The following ARHGAP24 variants were observed in gnomAD, a reference collection of about 807,000 sequenced individuals.
ARHGAP24 encodes Rho GTPase activating protein 24, also known as rho GTPase-activating protein 24.
A neutral mutation model predicts 76.4 loss-of-function variants in ARHGAP24; 50 were observed. That is an observed-to-expected ratio of 0.65 (90% CI 0.52 to 0.83). ARHGAP24 has a LOEUF of 0.83. Ranked by LOEUF, ARHGAP24 falls within the 40% of genes least tolerant of loss-of-function variation. The pLI, the probability that ARHGAP24 is intolerant of heterozygous loss-of-function variation, is 0.00. For synonymous variants in ARHGAP24, 345 were observed against 323.3 expected, an observed-to-expected ratio of 1.07 and a Z score of -0.72; for missense variants, 930 against 914.2, an observed-to-expected ratio of 1.02 and a Z score of -0.22.
At chr4:85,694,234 C>T (rs1023396985) in intron 2 of ARHGAP24, among the ~76,000 whole-genome samples, 1 of 152,090 alleles carries the variant, frequency 6.6e-6, no homozygotes, top group Non-Finnish European at 1.5e-5. Context: ...TGTCCCTTCT[C>T]TTCAGCTCTT....
intron 8 of ARHGAP24, among the ~76,000 whole-genome samples, chr4:85,979,810 A>G (rs989438457): frequency 2.0e-5 from 3 of 152,192 alleles, no homozygotes; most frequent in African/African-American, 2.4e-5. Flanking sequence ...AAAAATGAGT[A>G]CTATTTTCTT....
At chr4:85,601,554 C>G (rs1720029059) in intron 2 of ARHGAP24, among the ~76,000 whole-genome samples, 1 of 152,036 alleles carries the variant, frequency 6.6e-6, no homozygotes, top group Non-Finnish European at 1.5e-5. Context: ...TTGGCAACCC[C>G]CAGTTGTAAC....
At chr4:85,618,963 T>C (rs75297299) in intron 2 of ARHGAP24, among the ~76,000 whole-genome samples, 8,223 of 152,170 alleles carry the variant, frequency 0.054, 722 homozygotes, top group African/African-American at 0.19. Context: ...AGAAGCTTTT[T>C]GATTTGATGT....
At position 85,564,273 on chromosome 4, in the gene ARHGAP24, AT is replaced by A. The variant is rs373261900; in HGVS notation, c.-20-6243del. Among the ~76,000 whole-genome samples, 20 of 151,862 alleles carry A rather than the reference AT, an allele frequency of 1.3e-4. No homozygotes were observed. In the East Asian group the frequency reaches 3.9e-3, roughly 30 times the overall value. On this transcript the variant is annotated intron_variant, in intron 1 of 9. Coordinates refer to ENST00000395184, the MANE Select transcript of ARHGAP24 (RefSeq NM_001025616.3). The stretch of plus-strand genomic sequence containing the variant: ...TCCCTAAAAAGGACATGAACTCATC[AT>A]TTTTTATGGCTGCAAGGACAAAAAA...
intron 1 of ARHGAP24, among the ~76,000 whole-genome samples, chr4:85,545,201 G>A (rs930291090): frequency 5.3e-5 from 8 of 152,096 alleles, no homozygotes; most frequent in Admixed American, 2.6e-4. Flanking sequence ...GTGGGTTCAA[G>A]CGATTCTCCT....
intron 3 of ARHGAP24, among the ~76,000 whole-genome samples, chr4:85,812,536 C>A (rs921349341): frequency 6.6e-6 from 1 of 151,962 alleles, no homozygotes; most frequent in Non-Finnish European, 1.5e-5. Flanking sequence ...AAAAAAAAAT[C>A]TCCTGTGTTA....
intron 2 of ARHGAP24, among the ~76,000 whole-genome samples, chr4:85,645,538 A>G (rs973570590): frequency 3.9e-5 from 6 of 152,120 alleles, no homozygotes; most frequent in Admixed American, 2.0e-4. Context: ...GAGCATGAAT[A>G]TAGTATTTGT....
chr4:85,487,170 A>T (rs1477212133), intron 1 of ARHGAP24, among the ~76,000 whole-genome samples: 1 of 136,812 alleles, frequency 7.3e-6, no homozygotes, highest in Admixed American at 8.0e-5. Flanking sequence ...ATATAAATAT[A>T]TATTTATTTT....
intron 3 of ARHGAP24, 62 bp from the exon 4 acceptor site, chr4:85,923,586 G>A: frequency 6.2e-7 from 1 of 1,609,326 alleles, no homozygotes; most frequent in Non-Finnish European, 8.5e-7. Flanking sequence ...GGTTCTTCTG[G>A]AGGCTGATCA....
chr4:85,865,357 A>C (rs913206436), intron 3 of ARHGAP24, among the ~76,000 whole-genome samples: 2 of 151,138 alleles, frequency 1.3e-5, no homozygotes, highest in Non-Finnish European at 2.9e-5. Flanking sequence ...TTCAGTTCTC[A>C]GTTTAAAACT....
At chr4:85,518,850 A>G (rs1258723468) in intron 1 of ARHGAP24, among the ~76,000 whole-genome samples, 2 of 152,186 alleles carry the variant, frequency 1.3e-5, no homozygotes, top group Non-Finnish European at 2.9e-5. Flanking sequence ...AGTTTTTCGA[A>G]TAATGACTTC....
At chr4:85,909,326 T>C (rs1365987406) in intron 3 of ARHGAP24, among the ~76,000 whole-genome samples, 2 of 152,220 alleles carry the variant, frequency 1.3e-5, no homozygotes, top group East Asian at 1.9e-4. Context: ...GTGGTGTGTG[T>C]ATGTATGTGT....
chr4:85,638,040 T>C (rs1721390478), intron 2 of ARHGAP24, among the ~76,000 whole-genome samples: 1 of 152,078 alleles, frequency 6.6e-6, no homozygotes, highest in Admixed American at 6.6e-5. Flanking sequence ...CCAGTCTGTA[T>C]CCTTAGTAAT....
intron 2 of ARHGAP24, among the ~76,000 whole-genome samples, chr4:85,588,175 A>G (rs1366208273): frequency 6.6e-6 from 1 of 152,164 alleles, no homozygotes; most frequent in Non-Finnish European, 1.5e-5. Context: ...CCTCACCAAG[A>G]GGCAGAGTTG....
chr4:85,768,652 C>A (rs1373012451), intron 3 of ARHGAP24, among the ~76,000 whole-genome samples: 1 of 152,106 alleles, frequency 6.6e-6, no homozygotes, highest in Non-Finnish European at 1.5e-5. Flanking sequence ...GTGGCGCACG[C>A]CTGTATCCCA....
intron 3 of ARHGAP24, among the ~76,000 whole-genome samples, chr4:85,790,252 C>T (rs1728056763): frequency 6.6e-6 from 1 of 152,164 alleles, no homozygotes; most frequent in South Asian, 2.1e-4. Context: ...ACCTCTCGGA[C>T]TGTCTCTTGC....
At chr4:85,874,870 T>A (rs1252442579) in intron 3 of ARHGAP24, among the ~76,000 whole-genome samples, 23 of 113,394 alleles carry the variant, frequency 2.0e-4, no homozygotes, top group African/African-American at 8.4e-4. Context: ...AATATATTTT[T>A]ATATAATTTA....
chr4:85,710,337 A>G (rs1339617827), intron 2 of ARHGAP24, among the ~76,000 whole-genome samples: 2 of 152,190 alleles, frequency 1.3e-5, no homozygotes, highest in African/African-American at 2.4e-5. Flanking sequence ...TCCTCATAAC[A>G]TATACAAAAA....
At chr4:85,688,709 G>A (rs531990061) in intron 2 of ARHGAP24, among the ~76,000 whole-genome samples, 41 of 152,118 alleles carry the variant, frequency 2.7e-4, no homozygotes, top group Non-Finnish European at 1.0e-4. Flanking sequence ...TATAGATTGA[G>A]ATCTTACATT....
Sources: gnomAD v4.1 joint callset for allele counts (sites outside exome capture counted in the v4.1 genomes callset) on GRCh38, gnomAD v4.1.1 for gene constraint, MANE v1.5 for transcripts, NCBI Gene and HGNC (gene_info 2026-07-23, HGNC 2026-07-21) for gene names.